The following LARGE1 variants were observed in gnomAD, a reference collection of about 807,000 sequenced individuals.
The protein encoded by LARGE1 is LARGE xylosyl- and glucuronyltransferase 1.
LARGE1 carries 43 observed loss-of-function variants against 87.6 expected under a neutral mutation model. That is an observed-to-expected ratio of 0.49 (90% CI 0.38 to 0.63). LARGE1 has a LOEUF of 0.63. Among genes scored for constraint, LARGE1 ranks in the 30% least tolerant of loss-of-function variants. The pLI, the probability that LARGE1 is intolerant of heterozygous loss-of-function variation, is 0.00. For synonymous variants in LARGE1, 434 were observed against 394.6 expected (o/e 1.10, Z -1.18); for missense variants, 802 against 1,000.2 (o/e 0.80, Z 2.67).
At chr22:33,844,813 C>G (rs1043224686) in intron 1 of LARGE1, among the ~76,000 whole-genome samples, 1 of 151,676 alleles carries the variant, frequency 6.6e-6, no homozygotes, top group African/African-American at 2.4e-5. Context: ...CTCCGCCTCC[C>G]GGGCTCAAGA....
intron 1 of LARGE1, among the ~76,000 whole-genome samples, chr22:33,790,208 T>G (rs932272985): frequency 6.6e-6 from 1 of 152,230 alleles, no homozygotes; most frequent in African/African-American, 2.4e-5. Flanking sequence ...AACCTCTCTT[T>G]CCTGCCACCA....
chr22:33,802,136 T>C (rs996213379), intron 1 of LARGE1, among the ~76,000 whole-genome samples: 2 of 151,796 alleles, frequency 1.3e-5, no homozygotes, highest in African/African-American at 2.4e-5. Context: ...TCATGCCAAG[T>C]TTCTCAAATA....
rs569334949 is a variant in LARGE1, at chr22:33,215,824, C to T, written c.1731-48992G>A. On this transcript the variant is annotated intron_variant, in intron 11 of 11. Transcript: ENST00000608642. Reference sequence around the variant, plus strand: ...TACAAAGATTAGCCAGGTGTGGTGGCGCATGCCTGTAATCCCAGCTACTCA... The same window carrying T: ...TACAAAGATTAGCCAGGTGTGGTGGTGCATGCCTGTAATCCCAGCTACTCA... Among the ~76,000 whole-genome samples the T allele has an allele frequency of 3.6e-3, 555 of 152,170 alleles. 3 individuals are homozygous for T. Among genetic ancestry groups the T allele is most frequent in the African/African-American group, 0.013 (533 of 41,512 alleles).
intron 1 of LARGE1, among the ~76,000 whole-genome samples, chr22:33,782,192 T>A (rs1211251901): frequency 2.0e-5 from 3 of 152,160 alleles, no homozygotes; most frequent in African/African-American, 7.2e-5. Context: ...CAACTATTTT[T>A]AAAAATGTTT....
intron 4 of LARGE1, among the ~76,000 whole-genome samples, chr22:33,621,980 A>G (rs2079768219): frequency 6.6e-6 from 1 of 152,188 alleles, no homozygotes; most frequent in South Asian, 2.1e-4. Flanking sequence ...TATAAGAAAC[A>G]TCTGAGCTCC....
At chr22:33,920,620 G>A (rs1329362278), upstream of LARGE1, among the ~76,000 whole-genome samples, 2 of 144,726 alleles carry the variant, frequency 1.4e-5, no homozygotes, top group East Asian at 2.1e-4. Flanking sequence ...GGGGCGCGGG[G>A]CCGGGGGCGC....
At chr22:33,698,458 G>A (rs1035750792) in intron 2 of LARGE1, among the ~76,000 whole-genome samples, 2 of 151,544 alleles carry the variant, frequency 1.3e-5, no homozygotes, top group Admixed American at 6.6e-5. Flanking sequence ...ACACCACCAC[G>A]CTCGGCTAAT....
chr22:33,232,709 A>G (rs112611207), intron 11 of LARGE1, among the ~76,000 whole-genome samples: 3 of 152,330 alleles, frequency 2.0e-5, no homozygotes, highest in African/African-American at 4.8e-5. Flanking sequence ...AATGCAAAGC[A>G]GTAAAGAGAA....
chr22:33,354,012 G>GT (rs767039808), intron 9 of LARGE1, among the ~76,000 whole-genome samples: 2 of 152,240 alleles, frequency 1.3e-5, no homozygotes, highest in Non-Finnish European at 2.9e-5. Context: ...ATGAAAATCT[G>GT]TAACACACAG....
In LARGE1 at chr22:33,304,221, G is replaced by T. The variant is rs201267374; in HGVS notation, c.1730+8C>A. ...TGGCCTGATGGCCAGGCCCCTGCAG[G>T]TCCTTACCTGAGGTACTCATAGAGC... On this transcript the variant is annotated splice_region_variant and intron_variant, in intron 12 of 14. Coordinates refer to ENST00000397394, the MANE Select transcript of LARGE1 (RefSeq NM_133642.5). 1.9e-6 allele frequency: 3 copies of T among 1,614,074 alleles called. No individual in the cohort carries two copies. The highest frequency in any genetic ancestry group is 3.3e-5 in the Admixed American group (2 of 60,034).
intron 7 of LARGE1, among the ~76,000 whole-genome samples, chr22:33,387,010 A>T (rs943927986): frequency 1.3e-5 from 2 of 148,672 alleles, no homozygotes; most frequent in African/African-American, 4.9e-5. Flanking sequence ...AGGCTGAGGC[A>T]GGAGAAGTGC....
intron 1 of LARGE1, among the ~76,000 whole-genome samples, chr22:33,837,634 T>C (rs1203051289): frequency 6.6e-6 from 1 of 152,232 alleles, no homozygotes; most frequent in Non-Finnish European, 1.5e-5. Context: ...TCTGAGTCCA[T>C]GAGGCATCTT....
exon 12 of LARGE1, chr22:33,166,135 T>C (rs1922253811): frequency 6.6e-6 from 1 of 152,236 alleles, no homozygotes; most frequent in African/African-American, 2.4e-5. Context: ...AACTGTGAAA[T>C]GCATGAATTT....
At chr22:33,332,994 C>T (rs1448965206) in intron 10 of LARGE1, among the ~76,000 whole-genome samples, 1 of 151,326 alleles carries the variant, frequency 6.6e-6, no homozygotes, top group Non-Finnish European at 1.5e-5. Context: ...CATGTTTTTG[C>T]CTGGGATGGG....
At chr22:33,573,514 G>A (rs987601029) in intron 5 of LARGE1, among the ~76,000 whole-genome samples, 3 of 152,198 alleles carry the variant, frequency 2.0e-5, no homozygotes, top group African/African-American at 7.2e-5. Context: ...GTTTAGCTCA[G>A]TTGAGATCAT....
chr22:33,194,518 T>A (rs892005032), intron 11 of LARGE1, among the ~76,000 whole-genome samples: 4 of 152,230 alleles, frequency 2.6e-5, no homozygotes, highest in African/African-American at 9.6e-5. Flanking sequence ...TAGTCTCTTC[T>A]GAGCCTAATG....
downstream of LARGE1, among the ~76,000 whole-genome samples, chr22:33,158,803 T>C (rs1569443019): frequency 6.6e-6 from 1 of 152,220 alleles, no homozygotes; most frequent in Non-Finnish European, 1.5e-5. Context: ...AATTCCATCT[T>C]AGTTCTTCAA....
At chr22:33,660,084 GTGTGTGTTTT>G (rs1295654656) in intron 2 of LARGE1, among the ~76,000 whole-genome samples, 5 of 115,076 alleles carry the variant, frequency 4.3e-5, no homozygotes, top group African/African-American at 8.5e-5. Flanking sequence ...GTGTGTGTGT[GTGTGTGTTTT>G]TTTTTTTTTT....
intron 3 of LARGE1, among the ~76,000 whole-genome samples, chr22:33,639,727 C>A (rs528995565): frequency 1.2e-4 from 18 of 152,240 alleles, no homozygotes; most frequent in Non-Finnish European, 2.5e-4. Context: ...TAGACCTGAA[C>A]CGGAAAGGCA....
Sources: allele counts gnomAD v4.1 joint callset (sites outside exome capture counted in the v4.1 genomes callset), GRCh38; gene constraint gnomAD v4.1.1; transcripts MANE v1.5; gene names NCBI Gene and HGNC (gene_info 2026-07-23, HGNC 2026-07-21).